DISP1: variants seen among roughly 807,000 people sequenced by gnomAD.
The protein encoded by DISP1 is protein dispatched homolog 1.
In DISP1, 30 loss-of-function variants were observed where a neutral mutation model predicts 37.3. That is an observed-to-expected ratio of 0.80 (90% CI 0.60 to 1.09). The LOEUF is 1.09. Ranked by LOEUF, DISP1 falls within the 50% of genes least tolerant of loss-of-function variation. The probability of loss-of-function intolerance (pLI) is 0.00; values close to 1 mark genes in which losing one functional copy is unlikely to be tolerated. For missense variants in DISP1, 1,598 were observed against 1,879.5 expected, an observed-to-expected ratio of 0.85 and a Z score of 2.77; for synonymous variants, 634 against 690.2, an observed-to-expected ratio of 0.92 and a Z score of 1.28.
chr1:222,931,217 TTCTC>T (rs1206109016), intron 2 of DISP1, among the ~76,000 whole-genome samples: 4 of 152,034 alleles, frequency 2.6e-5, no homozygotes, highest in Non-Finnish European at 4.4e-5. Context: ...ATTTTTAAAA[TTCTC>T]TCACATTCTT....
intron 4 of DISP1, among the ~76,000 whole-genome samples, chr1:222,988,074 A>G (rs977678943): frequency 6.6e-6 from 1 of 152,222 alleles, no homozygotes; most frequent in Non-Finnish European, 1.5e-5. Flanking sequence ...TTTACATTTG[A>G]ACAACCACAA....
intron 1 of DISP1, among the ~76,000 whole-genome samples, chr1:222,919,196 G>T (rs1285975188): frequency 6.6e-6 from 1 of 152,206 alleles, no homozygotes; most frequent in Non-Finnish European, 1.5e-5. Flanking sequence ...GATGGTGCAG[G>T]CCGAAAGAGT....
At chr1:222,966,873 C>T (rs1305211860) in intron 3 of DISP1, among the ~76,000 whole-genome samples, 3 of 152,156 alleles carry the variant, frequency 2.0e-5, no homozygotes, top group African/African-American at 7.2e-5. Context: ...CCCCCCACCA[C>T]CAATCTTAAA....
At chr1:222,829,508 G>A (rs1040276034) in intron 1 of DISP1, among the ~76,000 whole-genome samples, 4 of 151,410 alleles carry the variant, frequency 2.6e-5, no homozygotes, top group Middle Eastern at 3.2e-3. Context: ...GCAGTGGCAC[G>A]ATCTCGGCTC....
intron 1 of DISP1, among the ~76,000 whole-genome samples, chr1:222,903,014 C>T (rs573248555): frequency 4.0e-4 from 61 of 151,868 alleles, no homozygotes; most frequent in African/African-American, 1.4e-3. Flanking sequence ...ATGTTTGTTG[C>T]GGCACTATTC....
intron 2 of DISP1, among the ~76,000 whole-genome samples, chr1:222,937,920 C>G (rs921462862): frequency 6.6e-6 from 1 of 151,236 alleles, no homozygotes. Context: ...ACCACCCAGG[C>G]TGGAATGCAG....
At chr1:222,982,661 T>C (rs570007347) in intron 3 of DISP1, among the ~76,000 whole-genome samples, 19 of 152,326 alleles carry the variant, frequency 1.2e-4, no homozygotes, top group African/African-American at 3.8e-4. Flanking sequence ...AAAGAAGGTA[T>C]TAATATCCAA....
intron 1 of DISP1, among the ~76,000 whole-genome samples, chr1:222,836,752 T>C (rs1667150670): frequency 6.8e-6 from 1 of 147,302 alleles, no homozygotes; most frequent in South Asian, 2.1e-4. Flanking sequence ...AATATATATA[T>C]ATATATATAT....
At chr1:222,824,218 AT>A (rs1280532294) in intron 1 of DISP1, among the ~76,000 whole-genome samples, 1 of 152,168 alleles carries the variant, frequency 6.6e-6, no homozygotes, top group Non-Finnish European at 1.5e-5. Flanking sequence ...TTACCAGTAA[AT>A]GTGTCCTACT....
intron 1 of DISP1, among the ~76,000 whole-genome samples, chr1:222,880,698 G>T (rs989427650): frequency 6.6e-6 from 1 of 152,114 alleles, no homozygotes; most frequent in Non-Finnish European, 1.5e-5. Flanking sequence ...AGATGGTTCT[G>T]GTGGAAAGAG....
chr1:222,995,431 G>C (rs960432079), intron 8 of DISP1, among the ~76,000 whole-genome samples: 5 of 152,126 alleles, frequency 3.3e-5, no homozygotes, highest in African/African-American at 1.2e-4. Flanking sequence ...TGACCTCAAA[G>C]GGAAATTTAG....
intron 3 of DISP1, among the ~76,000 whole-genome samples, chr1:222,948,607 T>C (rs950632720): frequency 3.3e-5 from 5 of 152,234 alleles, no homozygotes; most frequent in Non-Finnish European, 7.3e-5. Flanking sequence ...TTTTTAGTTT[T>C]CTTTATTGTG....
chr1:222,879,691 A>G (rs1438751014), intron 1 of DISP1, among the ~76,000 whole-genome samples: 1 of 152,162 alleles, frequency 6.6e-6, no homozygotes, highest in Non-Finnish European at 1.5e-5. Flanking sequence ...GTAAATATCA[A>G]TTGTTAAAAA....
chr1:222,817,668 G>C (rs1661588890), intron 1 of DISP1, among the ~76,000 whole-genome samples: 1 of 152,162 alleles, frequency 6.6e-6, no homozygotes, highest in Non-Finnish European at 1.5e-5. Flanking sequence ...ACTCACACAG[G>C]GTTGACTGCT....
At chr1:222,834,308 G>A (rs1042760945) in intron 1 of DISP1, among the ~76,000 whole-genome samples, 2 of 152,230 alleles carry the variant, frequency 1.3e-5, no homozygotes, top group Middle Eastern at 3.4e-3. Flanking sequence ...TTTGTGGGCT[G>A]GTCCTTAAAA....
chr1:222,976,608 A>G (rs1162855032), intron 3 of DISP1, among the ~76,000 whole-genome samples: 1 of 152,024 alleles, frequency 6.6e-6, no homozygotes, highest in Non-Finnish European at 1.5e-5. Context: ...AAATTTTTTT[A>G]ACATAAAATG....
intron 8 of DISP1, among the ~76,000 whole-genome samples, chr1:222,999,197 A>T (rs1679274974): frequency 2.0e-5 from 3 of 152,064 alleles, no homozygotes. Flanking sequence ...GTGCCAAGAG[A>T]TGTTATAACC....
At chr1:222,879,915 T>C (rs1251328679) in intron 1 of DISP1, among the ~76,000 whole-genome samples, 1 of 152,062 alleles carries the variant, frequency 6.6e-6, no homozygotes, top group Non-Finnish European at 1.5e-5. Flanking sequence ...GCCTGTGGAA[T>C]ATAGAGGAGC....
intron 7 of DISP1, among the ~76,000 whole-genome samples, chr1:222,994,564 A>G (rs984466806): frequency 3.3e-5 from 5 of 152,136 alleles, no homozygotes; most frequent in African/African-American, 1.2e-4. Context: ...ATTAAGAGGG[A>G]TATATTCAAT....
Sources: allele counts gnomAD v4.1 joint callset (sites outside exome capture counted in the v4.1 genomes callset), GRCh38; gene constraint gnomAD v4.1.1; transcripts MANE v1.5; gene names NCBI Gene and HGNC (gene_info 2026-07-23, HGNC 2026-07-21).